IGSF9: variants seen among roughly 807,000 people sequenced by gnomAD.
The protein encoded by IGSF9 is protein turtle homolog A.
A neutral mutation model predicts 121.7 loss-of-function variants in IGSF9; 87 were observed. The ratio of observed to expected loss-of-function variants is 0.71; its 90% CI spans 0.60 to 0.85. The LOEUF is 0.85. IGSF9 is among the 40% of genes least tolerant of loss of function. The probability of loss-of-function intolerance (pLI) is 0.00; values close to 1 mark genes in which losing one functional copy is unlikely to be tolerated. For missense variants in IGSF9, 1,462 were observed against 1,565.3 expected (o/e 0.93, Z 1.11); for synonymous variants, 640 against 648.4 (o/e 0.99, Z 0.20).
chr1:159,933,980 G>C, intron 9 of IGSF9: 1 of 587,852 alleles, frequency 1.7e-6, no homozygotes, highest in Non-Finnish European at 3.0e-6. Flanking sequence ...CCCCAAAGAA[G>C]ACACAAAACC....
At chr1:159,941,005 G>A (rs1199804788) in intron 3 of IGSF9, among the ~76,000 whole-genome samples, 1 of 152,168 alleles carries the variant, frequency 6.6e-6, no homozygotes, top group African/African-American at 2.4e-5. Context: ...AGGCTGGGGC[G>A]CTTTACACAC....
chr1:159,942,905 A>G, intron 3 of IGSF9, 58 bp downstream of exon 3: 1 of 1,495,810 alleles, frequency 6.7e-7, no homozygotes, highest in Non-Finnish European at 9.2e-7. Context: ...GTGCGACTCT[A>G]CCCAGCCCAC....
chr1:159,942,484 C>G (rs1009096914), intron 3 of IGSF9, among the ~76,000 whole-genome samples: 1 of 152,126 alleles, frequency 6.6e-6, no homozygotes, highest in African/African-American at 2.4e-5. Flanking sequence ...CAGCCCACTC[C>G]CTAGAAGACT....
chr1:159,927,732 T>C, intron 20 of IGSF9, 28 bp downstream of exon 20: 1 of 1,608,700 alleles, frequency 6.2e-7, no homozygotes, highest in Non-Finnish European at 8.5e-7. Flanking sequence ...ATGGCCGAGA[T>C]GCCTGCCTTT....
At chr1:159,929,488 C>T (rs1557930567) in intron 17 of IGSF9, 95 bp from the exon 18 acceptor site, 8 of 1,526,932 alleles carry the variant, frequency 5.2e-6, no homozygotes, top group Non-Finnish European at 6.3e-6. Context: ...CAACCCCATC[C>T]GGCTGGGAAA....
chr1:159,928,050 G>A lies in IGSF9; in HGVS notation c.3230+108C>T, dbSNP rs558341377. On this transcript the variant is annotated intron_variant, in intron 19 of 20. Coordinates refer to ENST00000368094, the MANE Select transcript of IGSF9 (RefSeq NM_001135050.2). ...GCTTCTAAAAGGGACAAGTTTTCCC[G>A]TTCCCAGGGTGGGAGTGGAGCAGAG... 116 of 1,490,942 alleles carry A rather than the reference G, an allele frequency of 7.8e-5. No homozygotes were observed. The South Asian group carries it at 9.2e-4, about 12-fold the overall frequency. 92.4% of individuals were successfully genotyped at this position (1,490,942 alleles called of 1,614,324 possible).
chr1:159,942,142 C>T (rs1172304432), intron 3 of IGSF9, among the ~76,000 whole-genome samples: 4 of 152,256 alleles, frequency 2.6e-5, no homozygotes, highest in Non-Finnish European at 5.9e-5. Flanking sequence ...GTCCTTAGGG[C>T]CTCCTGCAGA....
In IGSF9 at chr1:159,929,332, A is replaced by G. The variant is rs1309116680; in HGVS notation, c.2369+19T>C. ...ACAATGGAAAGGCAGAAGAAAGCCAAGGAGGTGGAGGCACTTACGGTGCAG... is the reference window on the plus strand; with the variant it reads ...ACAATGGAAAGGCAGAAGAAAGCCAGGGAGGTGGAGGCACTTACGGTGCAG... On this transcript the variant is annotated intron_variant, in intron 18 of 20. Transcript: ENST00000368094. 6.2e-7 allele frequency: 1 copy of G among 1,613,130 alleles called. No individual in the cohort carries two copies. The highest frequency in any genetic ancestry group is 2.2e-5 in the East Asian group (1 of 44,890).
In IGSF9 at chr1:159,931,332, GC is replaced by G. The variant is rs1377173273; in HGVS notation, c.1514-72del. Reference sequence around the variant, plus strand: ...TGTACAGAGTAGCAGGGGCCCCAGGGCCACTGACCTTCACCCATCATCATCC... The same window carrying G: ...TGTACAGAGTAGCAGGGGCCCCAGGGCACTGACCTTCACCCATCATCATCC... On this transcript the variant is annotated intron_variant, in intron 12 of 20. Coordinates refer to ENST00000368094, the MANE Select transcript of IGSF9 (RefSeq NM_001135050.2). This position sits in a 1 kb window ranked among gnomAD's most constrained non-coding sequence, Gnocchi z 4.8. 14 of 1,604,600 alleles carry G rather than the reference GC, an allele frequency of 8.7e-6. No homozygotes were observed. The African/African-American group carries it at 1.9e-4, about 21-fold the overall frequency.
chr1:159,930,851 G>A lies in IGSF9; in HGVS notation c.1654C>T (p.Arg552Ter), dbSNP rs1012766325. Residue 552 changes from arginine to a stop codon, truncating the protein, a stop_gained, in exon 14 of 21, where the codon CGA (arginine) becomes TGA (stop). Transcript: ENST00000368094. LOFTEE classifies it high-confidence loss of function. Reference protein sequence around the residue: ...WYTPLAKRPDRMHHDWVSLAV... With the variant: ...WYTPLAKRPD ...AAGGACACCCAGTCATGGTGCATTC[G>A]GTCAGGACGCTTGGCCCTGGGAGAC... 4 of 1,608,032 alleles carry A rather than the reference G, an allele frequency of 2.5e-6. No homozygotes were observed. Among genetic ancestry groups the A allele is most frequent in the East Asian group, 2.2e-5 (1 of 44,764 alleles).
chr1:159,938,174 G>A (rs752132580), intron 3 of IGSF9, among the ~76,000 whole-genome samples: 1 of 152,110 alleles, frequency 6.6e-6, no homozygotes, highest in Non-Finnish European at 1.5e-5. Context: ...AGTCTCCTCT[G>A]GACTCTTACA....
chr1:159,928,657 C>T lies in IGSF9; in HGVS notation c.2731G>A (p.Ala911Thr). The change falls in exon 19 of 21, where the codon GCA becomes ACA. Residue 911 changes from alanine to threonine, a missense_variant. Ala to Thr is a moderately conservative substitution (Grantham distance 58). Around this residue, in one of 3 missense-constraint regions of IGSF9, gnomAD observed 808 missense variants for 815.2 expected, o/e 0.99. Transcript: ENST00000368094. ...CCTGGCAAGGGACTGGGTGGGGCTG[C>T]TGGAGGGGGTGCCACAGGGCTGATG... ...EDISPVAPPP[A>T]APPSPLPGPG... 1 of 1,475,752 alleles carries T rather than the reference C, an allele frequency of 6.8e-7. No individual in the cohort carries two copies. Among genetic ancestry groups the T allele is most frequent in the Non-Finnish European group, 9.0e-7 (1 of 1,111,946 alleles). The allele number at this position is 1,475,752 out of a possible 1,614,324, so 91.4% of individuals were successfully genotyped here. A position where few individuals can be genotyped will look rare whatever the true frequency, so the allele number is the denominator to read the frequency against.
At chr1:159,943,293 A>G in intron 2 of IGSF9, 104 bp downstream of exon 2, 1 of 1,357,278 alleles carries the variant, frequency 7.4e-7, no homozygotes. Context: ...AACCAGCCCT[A>G]TTCCTCCCCT....
rs201078115 is a variant in IGSF9 at position 159,943,058 on chromosome 1, G to A, written c.152C>T (p.Pro51Leu). The A allele has an allele frequency of 6.2e-7, 1 of 1,613,226 alleles. No individual in the cohort carries two copies. The highest frequency in any genetic ancestry group is 2.2e-5 in the East Asian group (1 of 44,818). The change falls in exon 3 of 21, where the codon CCC (proline) becomes CTC (leucine). Residue 51 changes from proline to leucine, a missense_variant. This residue lies in a region of IGSF9 where 558 missense variants were observed against 599.4 expected (regional missense o/e 0.93). Transcript: ENST00000368094. ...GCGCAGCCACTCGATGACATGCAGG[G>A]GGGGCCGGCCGGCCGGGGGCAGCAG... ...CDLLPPAGRP[P>L]LHVIEWLRFG...
intron 4 of IGSF9, 73 bp from the exon 5 acceptor site, chr1:159,936,981 G>A: frequency 1.4e-6 from 2 of 1,479,226 alleles, no homozygotes; most frequent in Non-Finnish European, 1.9e-6. Flanking sequence ...GGGCCAGGGA[G>A]ACCACTCAGG....
rs376197453 is a variant in IGSF9 at position 159,929,750 on chromosome 1, G to A, written c.2214C>T (p.Gly738=). 3 of 1,604,516 alleles carry A rather than the reference G, an allele frequency of 1.9e-6. No homozygotes were observed. The highest frequency in any genetic ancestry group is 8.5e-7 in the Non-Finnish European group (1 of 1,176,096). Reference sequence around the variant, plus strand: ...CCAGAAAGCAGACTCCGCCCACCACGCCGGCCAGCACGGGCTGAGGCAGGA... The same window carrying A: ...CCAGAAAGCAGACTCCGCCCACCACACCGGCCAGCACGGGCTGAGGCAGGA... The part of the protein sequence containing the change: ...PGLLPQPVLA[G]VVGGVCFLGV... Residue 738 remains glycine, a synonymous_variant, in exon 17 of 21, where the codon GGC becomes GGT. Coordinates refer to ENST00000368094, the MANE Select transcript of IGSF9 (RefSeq NM_001135050.2).
Position 159,943,421 on chromosome 1 carries a change from G to A in IGSF9, c.34C>T (p.Leu12=). The change falls in exon 2 of 21, where the codon CTG becomes TTG. Residue 12 remains leucine, a synonymous_variant. Coordinates refer to ENST00000368094, the MANE Select transcript of IGSF9 (RefSeq NM_001135050.2). The part of the protein sequence containing the change: ...VWCLGLAVLS[L]VISQGADGRG... ...CCGTCAGCCCCCTGGCTGATGACCAGGCTGAGGACGGCCAGGCCGAGGCAC... is the reference window on the plus strand; with the variant it reads ...CCGTCAGCCCCCTGGCTGATGACCAAGCTGAGGACGGCCAGGCCGAGGCAC... The A allele has an allele frequency of 1.9e-6, 3 of 1,589,196 alleles. No homozygotes were observed. The highest frequency in any genetic ancestry group is 2.6e-6 in the Non-Finnish European group (3 of 1,167,316).
rs754691117 is a variant in IGSF9, at chr1:159,929,333, G to A, written c.2369+18C>T. The A allele has an allele frequency of 6.8e-6, 11 of 1,613,116 alleles. No individual in the cohort carries two copies. Among genetic ancestry groups the A allele is most frequent in the African/African-American group, 5.3e-5 (4 of 74,926 alleles). ...CAATGGAAAGGCAGAAGAAAGCCAA[G>A]GAGGTGGAGGCACTTACGGTGCAGC... On this transcript the variant is annotated intron_variant, in intron 18 of 20. Coordinates refer to ENST00000368094, the MANE Select transcript of IGSF9 (RefSeq NM_001135050.2).
chr1:159,929,845 G>A, intron 16 of IGSF9, 31 bp from the exon 17 acceptor site: 1 of 1,592,858 alleles, frequency 6.3e-7, no homozygotes, highest in Non-Finnish European at 8.5e-7. Context: ...GAGGGTCAGT[G>A]GACTCGGAGC....
Sources: allele counts gnomAD v4.1 joint callset (sites outside exome capture counted in the v4.1 genomes callset), GRCh38; gene constraint gnomAD v4.1.1; regional missense constraint gnomAD v4.1.1; non-coding constraint Gnocchi (gnomAD v3.1); transcripts MANE v1.5; gene names NCBI Gene and HGNC (gene_info 2026-07-23, HGNC 2026-07-21).